The following WDPCP variants were observed in gnomAD, a reference collection of about 807,000 sequenced individuals.
WDPCP encodes the protein WD repeat containing planar cell polarity effector, also known as WD repeat-containing and planar cell polarity effector protein fritz homolog.
In WDPCP, 71 loss-of-function variants were observed where a neutral mutation model predicts 93.1. The observed-to-expected ratio is 0.76, with a 90% CI of 0.63 to 0.93. The LOEUF (loss-of-function observed/expected upper bound fraction) is 0.93, where lower values mean the gene tolerates loss of function less well. WDPCP is among the 40% of genes least tolerant of loss of function. The pLI is 0.00. For missense variants in WDPCP, 844 were observed against 887.4 expected, an observed-to-expected ratio of 0.95 and a Z score of 0.62; for synonymous variants, 315 against 315.0, an observed-to-expected ratio of 1.00 and a Z score of 0.00.
chr2:63,585,741 A>G (rs978069911), intron 1 of WDPCP, among the ~76,000 whole-genome samples: 35 of 152,252 alleles, frequency 2.3e-4, no homozygotes, highest in African/African-American at 8.2e-4. Context: ...ATAGAACTTC[A>G]TTAAAGAAAA....
chr2:63,365,635 G>T (rs1690845978), intron 12 of WDPCP, among the ~76,000 whole-genome samples: 1 of 151,864 alleles, frequency 6.6e-6, no homozygotes, highest in Admixed American at 6.6e-5. Context: ...AATATTTTTT[G>T]AAAGCTCCTC....
intron 13 of WDPCP, among the ~76,000 whole-genome samples, chr2:63,299,186 C>T (rs1685132906): frequency 6.6e-6 from 1 of 152,210 alleles, no homozygotes. Flanking sequence ...CATTGTGAGT[C>T]CCTTAAAGAC....
intron 3 of WDPCP, among the ~76,000 whole-genome samples, chr2:63,620,127 GT>G (rs1245284068): frequency 6.6e-6 from 1 of 152,076 alleles, no homozygotes; most frequent in Non-Finnish European, 1.5e-5. Flanking sequence ...AGCTGCAGGA[GT>G]TTTTTTTCCT....
At chr2:63,311,063 G>A (rs1488416842) in intron 13 of WDPCP, among the ~76,000 whole-genome samples, 2 of 152,080 alleles carry the variant, frequency 1.3e-5, no homozygotes, top group Non-Finnish European at 2.9e-5. Flanking sequence ...CTGCTTTCCA[G>A]CCATATCAAC....
chr2:63,803,817 G>A (rs1184579896), intron 2 of WDPCP, among the ~76,000 whole-genome samples: 1 of 152,126 alleles, frequency 6.6e-6, no homozygotes, highest in African/African-American at 2.4e-5. Flanking sequence ...TTTCAGATAT[G>A]TTTTGGGAAT....
chr2:63,609,365 A>AAAC (rs1200171508), intron 3 of WDPCP, among the ~76,000 whole-genome samples: 1 of 151,940 alleles, frequency 6.6e-6, no homozygotes, highest in Non-Finnish European at 1.5e-5. Context: ...TTTCAAAACA[A>AAAC]AACAACAACA....
At chr2:63,625,034 C>T (rs148145940) in intron 3 of WDPCP, among the ~76,000 whole-genome samples, 104 of 152,282 alleles carry the variant, frequency 6.8e-4, no homozygotes, top group African/African-American at 2.3e-3. Flanking sequence ...ATATGCAAAT[C>T]AATAAACGTA....
chr2:63,467,429 G>A (rs772599365), intron 6 of WDPCP, among the ~76,000 whole-genome samples: 14 of 151,570 alleles, frequency 9.2e-5, no homozygotes, highest in African/African-American at 2.7e-4. Context: ...GGAGTGAGCC[G>A]AGATTGCACT....
intron 12 of WDPCP, among the ~76,000 whole-genome samples, chr2:63,340,102 A>T (rs1688730494): frequency 6.6e-6 from 1 of 151,954 alleles, no homozygotes; most frequent in Admixed American, 6.6e-5. Flanking sequence ...TTGAAGGATT[A>T]TTCATTCCTG....
intron 2 of WDPCP, among the ~76,000 whole-genome samples, chr2:63,731,220 G>C (rs150404684): frequency 1.4e-5 from 2 of 147,542 alleles, no homozygotes; most frequent in African/African-American, 2.5e-5. Flanking sequence ...AGTGAGCTGA[G>C]ATTGCGACAC....
rs1296390561 is a variant in WDPCP, at chr2:63,229,118, C to T, written c.1915+30189G>A. On this transcript the variant is annotated intron_variant, in intron 14 of 17. Transcript: ENST00000272321. Reference sequence around the variant, plus strand: ...TGTTGTTTGCTGACTTTTTAATGATCACCATTCTAACTGGTGTGAGACGGT... The same window carrying T: ...TGTTGTTTGCTGACTTTTTAATGATTACCATTCTAACTGGTGTGAGACGGT... 6 of 152,064 alleles carry T rather than the reference C, an allele frequency of 3.9e-5. No homozygotes were observed. The East Asian group carries it at 1.2e-3, about 29-fold the overall frequency. The allele number at this position is 152,064 out of a possible 1,614,324, so 9.4% of individuals were successfully genotyped here.
At chr2:63,399,146 C>T (rs1427642017) in intron 10 of WDPCP, among the ~76,000 whole-genome samples, 1 of 152,140 alleles carries the variant, frequency 6.6e-6, no homozygotes, top group African/African-American at 2.4e-5. Flanking sequence ...TGTACAGTTT[C>T]CCTATTCTAT....
intron 1 of WDPCP, among the ~76,000 whole-genome samples, chr2:63,499,340 G>A (rs1420832968): frequency 6.6e-6 from 1 of 152,186 alleles, no homozygotes; most frequent in Non-Finnish European, 1.5e-5. Context: ...ACAGGTAGAA[G>A]AGATAAATCA....
At chr2:63,815,488 T>C (rs543386213) in intron 1 of WDPCP, among the ~76,000 whole-genome samples, 1 of 152,356 alleles carries the variant, frequency 6.6e-6, no homozygotes, top group East Asian at 1.9e-4. Flanking sequence ...CAGGAAACAC[T>C]TGTAAGATTA....
intron 13 of WDPCP, among the ~76,000 whole-genome samples, chr2:63,259,642 A>C (rs1517406): frequency 0.65 from 99,215 of 152,056 alleles, 34,835 homozygotes; most frequent in African/African-American, 0.89. Flanking sequence ...GCTGTGAGGG[A>C]AAATACAAGT....
At chr2:63,450,559 C>T (rs1255766101) in intron 6 of WDPCP, among the ~76,000 whole-genome samples, 1 of 152,188 alleles carries the variant, frequency 6.6e-6, no homozygotes, top group Admixed American at 6.5e-5. Flanking sequence ...GTACTGCTAA[C>T]ACCAGTGCCA....
chr2:63,603,924 T>C (rs977237983), intron 3 of WDPCP, among the ~76,000 whole-genome samples: 1 of 152,272 alleles, frequency 6.6e-6, no homozygotes, highest in South Asian at 2.1e-4. Context: ...CCCAAAGTGC[T>C]GGGATTACAG....
intron 14 of WDPCP, among the ~76,000 whole-genome samples, chr2:63,255,066 G>A (rs556007945): frequency 6.2e-4 from 95 of 152,186 alleles, no homozygotes; most frequent in African/African-American, 2.2e-3. Context: ...AGAAGTATTC[G>A]ATAAAATTCA....
chr2:63,565,984 T>A (rs1165856591), intron 1 of WDPCP, among the ~76,000 whole-genome samples: 1 of 152,172 alleles, frequency 6.6e-6, no homozygotes, highest in Non-Finnish European at 1.5e-5. Context: ...TATTACAGTC[T>A]CCTAACTCAT....
Sources: allele counts gnomAD v4.1 joint callset (sites outside exome capture counted in the v4.1 genomes callset), GRCh38; gene constraint gnomAD v4.1.1; transcripts MANE v1.5; gene names NCBI Gene and HGNC (gene_info 2026-07-23, HGNC 2026-07-21).